GREM1: variants seen among roughly 807,000 people sequenced by gnomAD.
GREM1 encodes the protein gremlin 1, DAN family BMP antagonist.
A neutral mutation model predicts 13.1 loss-of-function variants in GREM1; 6 were observed. That is an observed-to-expected ratio of 0.46 (90% confidence interval 0.25 to 0.91). The LOEUF (loss-of-function observed/expected upper bound fraction) is 0.91, where lower values mean the gene tolerates loss of function less well. GREM1 is among the 40% of genes least tolerant of loss of function. GREM1 has a pLI of 0.18. For missense variants in GREM1, 185 were observed against 233.9 expected, an observed-to-expected ratio of 0.79 and a Z score of 1.36; for synonymous variants, 98 against 93.7, an observed-to-expected ratio of 1.05 and a Z score of -0.27.
At chr15:32,726,957 G>A (rs2055518939) in intron 1 of GREM1, among the ~76,000 whole-genome samples, 1 of 152,062 alleles carries the variant, frequency 6.6e-6, no homozygotes, top group Non-Finnish European at 1.5e-5. Flanking sequence ...GACTAAACCA[G>A]GAAGAAGTTG....
rs1674205564 is a variant in GREM1, at chr15:32,733,573, A to G, written c.*2328A>G. On this transcript the variant is annotated 3_prime_UTR_variant, in exon 2 of 2. Coordinates refer to ENST00000651154, the MANE Select transcript of GREM1 (RefSeq NM_013372.7). ...TCAGCAGCGTAACTACCCTAAAAGC[A>G]TATCACTAGCCAAAGAGGGAAATAT... 1 of 232,778 alleles carries G rather than the reference A, an allele frequency of 4.3e-6. No individual in the cohort carries two copies. Among genetic ancestry groups the G allele is most frequent in the African/African-American group, 2.2e-5 (1 of 44,598 alleles). 14.4% of individuals were successfully genotyped at this position (232,778 alleles called of 1,614,324 possible).
Position 32,736,508 on chromosome 15 carries a change from A to G in GREM1, c.*5263A>G, listed in dbSNP as rs995807965. The stretch of plus-strand genomic sequence containing the variant: ...CTGATCTTGAGGCTCTGCACAAGCC[A>G]TAAGTAAAGGGAATGCAGAGTTGTC... On this transcript the variant is annotated 3_prime_UTR_variant, in exon 2 of 2. Coordinates refer to ENST00000651154, the MANE Select transcript of GREM1 (RefSeq NM_013372.7). 2.0e-5 allele frequency: 3 copies of G among 152,210 alleles called. No individual in the cohort carries two copies. The highest frequency in any genetic ancestry group is 4.4e-5 in the Non-Finnish European group (3 of 68,046). The allele number at this position is 152,210 out of a possible 1,614,324, so 9.4% of individuals were successfully genotyped here.
chr15:32,721,922 G>GA (rs1479054406), intron 1 of GREM1, among the ~76,000 whole-genome samples: 7 of 152,096 alleles, frequency 4.6e-5, no homozygotes, highest in Admixed American at 1.3e-4. Flanking sequence ...ACTTTCCTAA[G>GA]AAAATCTTTG....
In GREM1 at chr15:32,735,483, T is replaced by G. The variant is rs2055685420; in HGVS notation, c.*4238T>G. ...GAGCAACTTTTATCGGTTTGTTCTT[T>G]TAAGAACATAACACAGCACTCTAAA... On this transcript the variant is annotated 3_prime_UTR_variant, in exon 2 of 2. Transcript: ENST00000651154. 1 of 152,198 alleles carries G rather than the reference T, an allele frequency of 6.6e-6. No homozygotes were observed. Among genetic ancestry groups the G allele is most frequent in the Non-Finnish European group, 1.5e-5 (1 of 68,038 alleles). The allele number at this position is 152,198 out of a possible 1,614,324, so 9.4% of individuals were successfully genotyped here. A position where few individuals can be genotyped will look rare whatever the true frequency, so the allele number is the denominator to read the frequency against.
In GREM1 at chr15:32,731,341, G is replaced by A; in HGVS notation, c.*96G>A. 1.0e-6 allele frequency: 1 copy of A among 986,270 alleles called. No individual in the cohort carries two copies. The highest frequency in any genetic ancestry group is 1.6e-5 in the African/African-American group (1 of 61,294). 61.1% of individuals were successfully genotyped at this position (986,270 alleles called of 1,614,324 possible). Reference sequence around the variant, plus strand: ...ATTCTTACTTGGCTTAAACCTAGAGGCCAGAAGAACCCCCAGCTGCCTCCT... The same window carrying A: ...ATTCTTACTTGGCTTAAACCTAGAGACCAGAAGAACCCCCAGCTGCCTCCT... On this transcript the variant is annotated 3_prime_UTR_variant, in exon 2 of 2. Transcript: ENST00000651154.
Position 32,718,049 on chromosome 15 carries a change from CG to C in GREM1, c.-113del. On this transcript the variant is annotated 5_prime_UTR_variant, in exon 1 of 2. Transcript: ENST00000651154. ...ACCGGGCGACCCAGTGCACGGCCGC[CG>C]CGTCACTCTCGGTCCCGCTGACCCC... The C allele has an allele frequency of 8.6e-7, 1 of 1,166,368 alleles. No individual in the cohort carries two copies. The allele number at this position is 1,166,368 out of a possible 1,614,324, so 72.3% of individuals were successfully genotyped here. A position where few individuals can be genotyped will look rare whatever the true frequency, so the allele number is the denominator to read the frequency against.
Position 32,730,796 on chromosome 15 carries a change from C to A in GREM1, c.106C>A (p.Pro36Thr). The A allele has an allele frequency of 6.2e-7, 1 of 1,613,898 alleles. No individual in the cohort carries two copies. The highest frequency in any genetic ancestry group is 1.7e-5 in the Admixed American group (1 of 59,992). Reference protein sequence around the residue: ...KKGSQGAIPPPDKAQHNDSEQ... With the variant: ...KKGSQGAIPPTDKAQHNDSEQ... The stretch of plus-strand genomic sequence containing the variant: ...AGGGTCCCAAGGTGCCATCCCCCCG[C>A]CAGACAAGGCCCAGCACAATGACTC... Residue 36 changes from proline (P) to threonine (T), a missense_variant, in exon 2 of 2, where the codon CCA becomes ACA. Transcript: ENST00000651154.
rs934224762 is a variant in GREM1, at chr15:32,744,001, A to G, written c.*12756A>G. On this transcript the variant is annotated 3_prime_UTR_variant, in exon 2 of 2. Transcript: ENST00000651154. ...AGCAAGGATTGACAGCCATGACAGC[A>G]CAGTGCCTTTCATGACTTACTCTCC... 2.0e-5 allele frequency: 3 copies of G among 152,202 alleles called. No individual in the cohort carries two copies. Among genetic ancestry groups the G allele is most frequent in the African/African-American group, 7.2e-5 (3 of 41,444 alleles). 9.4% of individuals were successfully genotyped at this position (152,202 alleles called of 1,614,324 possible).
chr15:32,724,814 G>A (rs1373726523), intron 1 of GREM1, among the ~76,000 whole-genome samples: 1 of 150,140 alleles, frequency 6.7e-6, no homozygotes, highest in Non-Finnish European at 1.5e-5. Flanking sequence ...ACAGGCCCCA[G>A]TGTTTGATGT....
intron 1 of GREM1, among the ~76,000 whole-genome samples, chr15:32,721,358 G>A (rs1298824433): frequency 6.6e-6 from 1 of 152,106 alleles, no homozygotes; most frequent in Non-Finnish European, 1.5e-5. Context: ...GGCACAGTAA[G>A]GGCTTCAAAA....
chr15:32,729,696 T>C (rs2055579834), intron 1 of GREM1, among the ~76,000 whole-genome samples: 1 of 152,254 alleles, frequency 6.6e-6, no homozygotes, highest in Non-Finnish European at 1.5e-5. Flanking sequence ...TTGCCACTAA[T>C]TTATTCAGCA....
rs1230287909 is a variant in GREM1 at position 32,739,432 on chromosome 15, G to A, written c.*8187G>A. ...AAACAGTTTAAATGAGAAAAGATAAGGCCTGAATTAAGGCAGCAGCCCTAA... is the reference window on the plus strand; with the variant it reads ...AAACAGTTTAAATGAGAAAAGATAAAGCCTGAATTAAGGCAGCAGCCCTAA... On this transcript the variant is annotated 3_prime_UTR_variant, in exon 2 of 2. Coordinates refer to ENST00000651154, the MANE Select transcript of GREM1 (RefSeq NM_013372.7). 1 of 152,150 alleles carries A rather than the reference G, an allele frequency of 6.6e-6. No individual in the cohort carries two copies. Among genetic ancestry groups the A allele is most frequent in the Non-Finnish European group, 1.5e-5 (1 of 68,020 alleles). 9.4% of individuals were successfully genotyped at this position (152,150 alleles called of 1,614,324 possible).
chr15:32,723,618 C>T (rs1346018410), intron 1 of GREM1, among the ~76,000 whole-genome samples: 8 of 66,696 alleles, frequency 1.2e-4, no homozygotes, highest in Non-Finnish European at 2.1e-4. Context: ...GGAAAATGTA[C>T]TTTTCTTTAA....
rs546963185 is a variant in GREM1, at chr15:32,731,839, AC to A, written c.*597del. On this transcript the variant is annotated 3_prime_UTR_variant, in exon 2 of 2. Coordinates refer to ENST00000651154, the MANE Select transcript of GREM1 (RefSeq NM_013372.7). ...TGCAAATGTTTTTCATTTTGTGAAG[AC>A]CCTCCAGACTCTGGGAGAGGCTGGT... is the stretch of plus-strand genomic sequence containing the variant. The A allele has an allele frequency of 2.2e-3, 497 of 231,002 alleles. 4 individuals carry two copies. The highest frequency in any genetic ancestry group is 0.011 in the African/African-American group (472 of 44,394). 14.3% of individuals were successfully genotyped at this position (231,002 alleles called of 1,614,324 possible). A position where few individuals can be genotyped will look rare whatever the true frequency, so the allele number is the denominator to read the frequency against.
At chr15:32,726,306 C>T (rs1004336539) in intron 1 of GREM1, among the ~76,000 whole-genome samples, 1 of 152,094 alleles carries the variant, frequency 6.6e-6, no homozygotes, top group Non-Finnish European at 1.5e-5. Context: ...TGTCAGACCC[C>T]AGTGCAATCA....
In GREM1 at chr15:32,732,853, T is replaced by G. The variant is rs2055644837; in HGVS notation, c.*1608T>G. The G allele has an allele frequency of 4.5e-6, 1 of 221,518 alleles. No individual in the cohort carries two copies. The highest frequency in any genetic ancestry group is 1.9e-4 in the South Asian group (1 of 5,312). 13.7% of individuals were successfully genotyped at this position (221,518 alleles called of 1,614,324 possible). On this transcript the variant is annotated 3_prime_UTR_variant, in exon 2 of 2. Transcript: ENST00000651154. ...TTTTCTTCAAGCCTGAGGTTTTATA[T>G]ACAAACTCCCTGAATACTCTTTTTG...
Position 32,731,157 on chromosome 15 carries a change from TC to T in GREM1, c.468del (p.Asn157ThrfsTer17). 6.2e-7 allele frequency: 1 copy of T among 1,614,022 alleles called. No individual in the cohort carries two copies. The highest frequency in any genetic ancestry group is 8.5e-7 in the Non-Finnish European group (1 of 1,179,970). The stretch of plus-strand genomic sequence containing the variant: ...AAATTCACTACCATGATGGTCACAC[TC>T]AACTGCCCTGAACTACAGCCACCTA... ...PKKFTTMMVTLNCPELQPPTK... is the reference protein window; with the variant it reads ...PKKFTTMMVTXNCPELQPPTK... On this transcript the variant is annotated frameshift_variant, in exon 2 of 2. Coordinates refer to ENST00000651154, the MANE Select transcript of GREM1 (RefSeq NM_013372.7). LOFTEE classifies it high-confidence loss of function.
chr15:32,718,662 A>T, intron 1 of GREM1: 1 of 361,304 alleles, frequency 2.8e-6, no homozygotes, highest in Admixed American at 3.7e-5. Flanking sequence ...GGGTTGGAGC[A>T]TCCGGAGAAT....
At chr15:32,725,418 G>A (rs537034450) in intron 1 of GREM1, among the ~76,000 whole-genome samples, 1 of 152,234 alleles carries the variant, frequency 6.6e-6, no homozygotes, top group South Asian at 2.1e-4. Flanking sequence ...ATGTTTGCTG[G>A]CCCCATAAAT....
Sources: allele counts gnomAD v4.1 joint callset (sites outside exome capture counted in the v4.1 genomes callset), GRCh38; gene constraint gnomAD v4.1.1; transcripts MANE v1.5; gene names NCBI Gene and HGNC (gene_info 2026-07-23, HGNC 2026-07-21).